Variants in NBEA observed in about 807,000 individuals in gnomAD.
NBEA encodes the protein neurobeachin, also known as lysosomal-trafficking regulator 2.
Under a neutral mutation model 343.4 loss-of-function variants are expected in NBEA, and 44 were observed. The ratio of observed to expected loss-of-function variants is 0.13; its 90% confidence interval spans 0.10 to 0.16. NBEA has a LOEUF of 0.16. Among genes scored for constraint, NBEA ranks in the 10% least tolerant of loss-of-function variants. The pLI, the probability that NBEA is intolerant of heterozygous loss-of-function variation, is 1.00. For synonymous variants in NBEA, 1,175 were observed against 1,238.7 expected (o/e 0.95, Z 1.08); for missense variants, 2,555 against 3,631.3 (o/e 0.70, Z 7.62).
intron 34 of NBEA, among the ~76,000 whole-genome samples, chr13:35,286,804 T>G (rs2035454016): frequency 6.6e-6 from 1 of 152,056 alleles, no homozygotes; most frequent in Non-Finnish European, 1.5e-5. Flanking sequence ...TTTATCTTGT[T>G]TTTTAGTGGG....
intron 41 of NBEA, chr13:35,475,824 C>T: frequency 6.2e-7 from 1 of 1,613,982 alleles, no homozygotes; most frequent in Non-Finnish European, 8.5e-7. Flanking sequence ...TCCTCTTGCG[C>T]CCGTCGCTCA....
intron 38 of NBEA, among the ~76,000 whole-genome samples, chr13:35,374,689 T>C (rs1363005662): frequency 6.6e-6 from 1 of 152,122 alleles, no homozygotes; most frequent in Admixed American, 6.6e-5. Flanking sequence ...AATAATAACA[T>C]CAACACTTAC....
intron 34 of NBEA, among the ~76,000 whole-genome samples, chr13:35,279,410 A>T (rs2034890706): frequency 6.6e-6 from 1 of 152,200 alleles, no homozygotes; most frequent in African/African-American, 2.4e-5. Flanking sequence ...TTCAGTTCAG[A>T]GTTTCTTTGA....
chr13:35,301,706 T>C (rs557498219), intron 35 of NBEA, among the ~76,000 whole-genome samples: 201 of 152,274 alleles, frequency 1.3e-3, no homozygotes, highest in African/African-American at 4.7e-3. Context: ...ATATACCCAG[T>C]AATGGGATTA....
Position 34,942,658 on chromosome 13 carries a change from A to C in NBEA, c.-163A>C. On this transcript the variant is annotated 5_prime_UTR_variant, in exon 1 of 59. Coordinates refer to ENST00000379939, the MANE Select transcript of NBEA (RefSeq NM_001385012.1). Reference sequence around the variant, plus strand: ...CCGCCTCCGCGGGGGAGAGCGCCGGAGCGGGCCGGGCTGAGGCGCAGGCGG... The same window carrying C: ...CCGCCTCCGCGGGGGAGAGCGCCGGCGCGGGCCGGGCTGAGGCGCAGGCGG... The C allele has an allele frequency of 5.1e-6, 2 of 389,074 alleles. No homozygotes were observed. Among genetic ancestry groups the C allele is most frequent in the Admixed American group, 4.8e-5 (1 of 20,784 alleles). 24.1% of individuals were successfully genotyped at this position (389,074 alleles called of 1,614,324 possible). A position where few individuals can be genotyped will look rare whatever the true frequency, so the allele number is the denominator to read the frequency against.
At chr13:35,553,630 T>C (rs977022998) in intron 43 of NBEA, among the ~76,000 whole-genome samples, 2 of 152,192 alleles carry the variant, frequency 1.3e-5, no homozygotes, top group Non-Finnish European at 2.9e-5. Context: ...AGAGATATTT[T>C]GATAATCTTT....
At chr13:35,239,741 G>A (rs775581597) in intron 34 of NBEA, among the ~76,000 whole-genome samples, 4 of 151,806 alleles carry the variant, frequency 2.6e-5, no homozygotes, top group Non-Finnish European at 5.9e-5. Context: ...GTTTTGCCTG[G>A]ACACAAAAAC....
At chr13:35,094,678 T>A (rs2065245550) in intron 10 of NBEA, among the ~76,000 whole-genome samples, 1 of 152,024 alleles carries the variant, frequency 6.6e-6, no homozygotes. Flanking sequence ...CTATGATCAC[T>A]CTCATTTAGG....
chr13:35,164,179 A>G (rs1169702028), intron 23 of NBEA, among the ~76,000 whole-genome samples, 177 bp from the exon 24 acceptor site: 1 of 152,134 alleles, frequency 6.6e-6, no homozygotes, highest in African/African-American at 2.4e-5. Flanking sequence ...TCCTGTGGAG[A>G]TGAATGCTTA....
chr13:35,415,289 T>C (rs1179171524), intron 38 of NBEA, among the ~76,000 whole-genome samples: 2 of 152,236 alleles, frequency 1.3e-5, no homozygotes, highest in African/African-American at 4.8e-5. Context: ...TTTGGTGTTT[T>C]AGTCATGAAG....
chr13:35,174,222 A>G (rs1453587556), intron 27 of NBEA, among the ~76,000 whole-genome samples: 1 of 151,970 alleles, frequency 6.6e-6, no homozygotes, highest in Non-Finnish European at 1.5e-5. Context: ...CTTTTATATG[A>G]TTTCCTTTCC....
chr13:35,135,210 A>G (rs2067649880), intron 17 of NBEA, among the ~76,000 whole-genome samples: 1 of 152,110 alleles, frequency 6.6e-6, no homozygotes, highest in Non-Finnish European at 1.5e-5. Flanking sequence ...ACATTGGTGC[A>G]TATAGCATTG....
intron 41 of NBEA, among the ~76,000 whole-genome samples, chr13:35,492,316 T>G (rs1211074482): frequency 6.6e-6 from 1 of 151,924 alleles, no homozygotes; most frequent in Admixed American, 6.6e-5. Flanking sequence ...AAATACCACC[T>G]GTTCCCCAAA....
At chr13:35,522,711 G>A (rs967846453) in intron 41 of NBEA, among the ~76,000 whole-genome samples, 22 of 151,908 alleles carry the variant, frequency 1.4e-4, no homozygotes, top group Non-Finnish European at 2.5e-4. Flanking sequence ...TCAGATCAGC[G>A]GCAGCATGAG....
intron 22 of NBEA, among the ~76,000 whole-genome samples, chr13:35,160,977 A>T (rs571912123): frequency 1.8e-4 from 27 of 152,308 alleles, no homozygotes; most frequent in Middle Eastern, 3.4e-3. Flanking sequence ...TATGAAGAGT[A>T]AACCATGCCT....
At chr13:35,388,373 G>C (rs1246904939) in intron 38 of NBEA, among the ~76,000 whole-genome samples, 3 of 151,834 alleles carry the variant, frequency 2.0e-5, no homozygotes, top group Non-Finnish European at 4.4e-5. Context: ...TTTCTGTGAT[G>C]GTTCTCTACA....
chr13:34,951,640 C>G (rs1447739422), intron 1 of NBEA, among the ~76,000 whole-genome samples: 1 of 152,120 alleles, frequency 6.6e-6, no homozygotes, highest in African/African-American at 2.4e-5. Context: ...TTTATCAGTG[C>G]CTGAGGTAGT....
chr13:35,573,934 T>C (rs574227688), intron 45 of NBEA, among the ~76,000 whole-genome samples: 96 of 152,280 alleles, frequency 6.3e-4, no homozygotes, highest in African/African-American at 2.1e-3. Context: ...ATTAAGCAGT[T>C]AGAAGTGATC....
intron 37 of NBEA, among the ~76,000 whole-genome samples, chr13:35,350,728 ATGTGTGTGTGTGTGTG>A (rs34088295): frequency 0.11 from 14,596 of 137,908 alleles, 823 homozygotes; most frequent in East Asian, 0.23. Context: ...AGAGCTATTG[ATGTGTGTGTGTGTGTG>A]TGTGTGTGTG....
Sources: gnomAD v4.1 joint callset for allele counts (sites outside exome capture counted in the v4.1 genomes callset) on GRCh38, gnomAD v4.1.1 for gene constraint, MANE v1.5 for transcripts, NCBI Gene and HGNC (gene_info 2026-07-23, HGNC 2026-07-21) for gene names.